The following IL20RA variants were observed in gnomAD, a reference collection of about 807,000 sequenced individuals.
IL20RA encodes interleukin-20 receptor subunit alpha.
A neutral mutation model predicts 36.5 loss-of-function variants in IL20RA; 29 were observed. That is an observed-to-expected ratio of 0.79 (90% CI 0.59 to 1.08). IL20RA has a LOEUF of 1.08. Among genes scored for constraint, IL20RA ranks in the 50% least tolerant of loss-of-function variants. IL20RA has a pLI of 0.00. For synonymous variants in IL20RA, 279 were observed against 267.1 expected, an observed-to-expected ratio of 1.04 and a Z score of -0.43; for missense variants, 652 against 668.4, an observed-to-expected ratio of 0.98 and a Z score of 0.27.
chr6:137,043,905 G>A (rs1776802457), intron 1 of IL20RA, among the ~76,000 whole-genome samples: 1 of 152,086 alleles, frequency 6.6e-6, no homozygotes, highest in Admixed American at 6.5e-5. Flanking sequence ...AATCATTCTG[G>A]TTTACTGGAT....
chr6:137,031,920 G>A (rs893052592), intron 1 of IL20RA, among the ~76,000 whole-genome samples: 8 of 151,624 alleles, frequency 5.3e-5, no homozygotes, highest in South Asian at 4.2e-4. Context: ...TCGTGGCAGC[G>A]CACGTGCCTG....
intron 6 of IL20RA, among the ~76,000 whole-genome samples, chr6:137,003,573 C>A (rs1775158408): frequency 6.6e-6 from 1 of 152,196 alleles, no homozygotes; most frequent in East Asian, 1.9e-4. Context: ...TCCCTAGGTG[C>A]TTTTCTTGTT....
chr6:137,030,391 T>C (rs568498503), intron 1 of IL20RA, among the ~76,000 whole-genome samples: 1 of 151,968 alleles, frequency 6.6e-6, no homozygotes, highest in Non-Finnish European at 1.5e-5. Flanking sequence ...CGGCCACCAG[T>C]TTTCAATGCA....
intron 2 of IL20RA, among the ~76,000 whole-genome samples, chr6:137,011,931 G>A (rs1043383385): frequency 6.6e-6 from 1 of 152,164 alleles, no homozygotes; most frequent in Non-Finnish European, 1.5e-5. Flanking sequence ...GAAAATACAC[G>A]AGGCTGGAGT....
intron 6 of IL20RA, 151 bp downstream of exon 6, chr6:137,004,470 C>T (rs1449458300): frequency 3.7e-6 from 3 of 812,476 alleles, no homozygotes; most frequent in Non-Finnish European, 6.0e-6. Context: ...GCCACCATGC[C>T]CAGCCCAGAA....
chr6:137,028,097 A>C (rs1165416910), intron 1 of IL20RA, among the ~76,000 whole-genome samples: 1 of 152,184 alleles, frequency 6.6e-6, no homozygotes, highest in Non-Finnish European at 1.5e-5. Context: ...AATATATGAT[A>C]GGCACGGGGG....
chr6:137,040,039 C>T (rs922569241), intron 1 of IL20RA, among the ~76,000 whole-genome samples: 1 of 152,104 alleles, frequency 6.6e-6, no homozygotes, highest in Non-Finnish European at 1.5e-5. Flanking sequence ...GAAAACTGTA[C>T]ATAAAGGCTA....
intron 1 of IL20RA, among the ~76,000 whole-genome samples, chr6:137,028,171 A>G (rs276501): frequency 0.2 from 29,762 of 152,040 alleles, 3,124 homozygotes; most frequent in Middle Eastern, 0.27. Flanking sequence ...TAATCCTAGC[A>G]CTCTGGGAGG....
At chr6:137,008,182 C>T (rs1170842736) in intron 5 of IL20RA, among the ~76,000 whole-genome samples, 1 of 152,136 alleles carries the variant, frequency 6.6e-6, no homozygotes, top group Non-Finnish European at 1.5e-5. Context: ...CCAGGCTGGT[C>T]TTAAACTCCT....
intron 1 of IL20RA, among the ~76,000 whole-genome samples, chr6:137,023,129 T>C (rs1775963626): frequency 6.6e-6 from 1 of 151,994 alleles, no homozygotes; most frequent in South Asian, 2.1e-4. Context: ...AAGAGAGACA[T>C]CATTAAAAAG....
intron 1 of IL20RA, among the ~76,000 whole-genome samples, chr6:137,025,836 T>A (rs1776066790): frequency 6.6e-6 from 1 of 152,170 alleles, no homozygotes; most frequent in Non-Finnish European, 1.5e-5. Flanking sequence ...TTCTTTTTAG[T>A]TGTACTCAAG....
In IL20RA at chr6:137,001,844, G is replaced by A. The variant is rs1435608517; in HGVS notation, c.1376C>T (p.Pro459Leu). 8.1e-6 allele frequency: 13 copies of A among 1,613,462 alleles called. No individual in the cohort carries two copies. The highest frequency in any genetic ancestry group is 1.3e-5 in the African/African-American group (1 of 74,896). ...CGAGTCTGTGTGCTCCTGCGCCAGG[G>A]GGTCTAAGTCTTGGAGCTGAGGGGT... is the stretch of plus-strand genomic sequence containing the variant. ...SYTPQLQDLD[P>L]LAQEHTDSEE... Residue 459 changes from proline to leucine, a missense_variant, in exon 7 of 7, where the codon CCC becomes CTC. Pro to Leu is a moderately conservative substitution (Grantham distance 98). Transcript: ENST00000316649.
chr6:137,008,667 T>C lies in IL20RA; in HGVS notation c.656A>G (p.Glu219Gly). ...GCGAGGGGGCCCTGGGACGAAGGAC[T>C]CCACGTGTACGCAGTAAAGAGTGTT... is the stretch of plus-strand genomic sequence containing the variant. ...EPNTLYCVHV[E>G]SFVPGPPRRA... The change falls in exon 5 of 7, where the codon GAG becomes GGG. Residue 219 changes from glutamate (E) to glycine (G), a missense_variant. By Grantham distance (98) the Glu-to-Gly change is moderately conservative (BLOSUM62 -2). Coordinates refer to ENST00000316649, the MANE Select transcript of IL20RA (RefSeq NM_014432.4). 6.2e-7 allele frequency: 1 copy of C among 1,609,134 alleles called. No individual in the cohort carries two copies. Among genetic ancestry groups the C allele is most frequent in the African/African-American group, 1.3e-5 (1 of 74,948 alleles).
chr6:137,010,306 C>A (rs1032313625), intron 3 of IL20RA, among the ~76,000 whole-genome samples: 3 of 152,206 alleles, frequency 2.0e-5, no homozygotes, highest in Non-Finnish European at 4.4e-5. Flanking sequence ...ATTGCGAAAG[C>A]AATCTAAGGT....
rs1037118868 is a variant in IL20RA at position 137,018,649 on chromosome 6, T to C, written c.89-1546A>G. Among the ~76,000 whole-genome samples, 6 of 152,050 alleles carry C rather than the reference T, an allele frequency of 3.9e-5. No homozygotes were observed. The South Asian group carries it at 1.2e-3, about 32-fold the overall frequency. ...ACCATTGGGTAGCAAGTGGTGTTGG[T>C]ATTTTCTGGAGATTACATAGAGTGA... On this transcript the variant is annotated intron_variant, in intron 1 of 6. Coordinates refer to ENST00000316649, the MANE Select transcript of IL20RA (RefSeq NM_014432.4).
chr6:137,043,821 A>G (rs1459910219), intron 1 of IL20RA, among the ~76,000 whole-genome samples: 2 of 152,198 alleles, frequency 1.3e-5, no homozygotes, highest in African/African-American at 2.4e-5. Context: ...GATCCCGGAT[A>G]TCTTTTTTGT....
chr6:137,026,255 T>C (rs1004561596), intron 1 of IL20RA, among the ~76,000 whole-genome samples: 2 of 152,230 alleles, frequency 1.3e-5, no homozygotes, highest in Non-Finnish European at 2.9e-5. Context: ...CCAGGTCTTA[T>C]AAGGTCTTTG....
intron 1 of IL20RA, among the ~76,000 whole-genome samples, chr6:137,043,835 T>G (rs1439854871): frequency 6.6e-6 from 1 of 152,236 alleles, no homozygotes; most frequent in African/African-American, 2.4e-5. Flanking sequence ...TTTTTGTTTT[T>G]TTAAAAAATC....
At chr6:137,012,685 G>T (rs1358249331) in intron 2 of IL20RA, among the ~76,000 whole-genome samples, 1 of 152,170 alleles carries the variant, frequency 6.6e-6, no homozygotes, top group Non-Finnish European at 1.5e-5. Context: ...GGAGCGTCAA[G>T]ATTTAAAGGT....
Sources: gnomAD v4.1 joint callset for allele counts (sites outside exome capture counted in the v4.1 genomes callset) on GRCh38, gnomAD v4.1.1 for gene constraint, MANE v1.5 for transcripts, NCBI Gene and HGNC (gene_info 2026-07-23, HGNC 2026-07-21) for gene names.